FER: variants seen among roughly 807,000 people sequenced by gnomAD.
FER encodes the protein tyrosine-protein kinase Fer.
FER carries 63 observed loss-of-function variants against 111.0 expected under a neutral mutation model. That is an observed-to-expected ratio of 0.57 (90% confidence interval 0.46 to 0.70). The LOEUF (loss-of-function observed/expected upper bound fraction) is 0.70, where lower values mean the gene tolerates loss of function less well. Among genes scored for constraint, FER ranks in the 30% least tolerant of loss-of-function variants. FER has a pLI of 0.00. For missense variants in FER, 914 were observed against 954.0 expected (o/e 0.96, Z 0.55); for synonymous variants, 327 against 313.9 (o/e 1.04, Z -0.44).
chr5:109,171,287 A>G (rs1725774566), intron 17 of FER, among the ~76,000 whole-genome samples: 1 of 152,198 alleles, frequency 6.6e-6, no homozygotes, highest in South Asian at 2.1e-4. Context: ...TCCAGGGTCC[A>G]GGAAAATATG....
intron 5 of FER, among the ~76,000 whole-genome samples, chr5:108,852,960 C>T (rs1762670149): frequency 6.6e-6 from 1 of 152,024 alleles, no homozygotes; most frequent in African/African-American, 2.4e-5. Context: ...CTAAATTTGT[C>T]CATATTTTGC....
At chr5:109,172,294 C>G (rs940041875) in intron 17 of FER, among the ~76,000 whole-genome samples, 8 of 151,776 alleles carry the variant, frequency 5.3e-5, no homozygotes, top group Admixed American at 2.6e-4. Flanking sequence ...CCATGGAATA[C>G]TATGCAGCCA....
At chr5:108,960,810 C>G (rs181265885) in intron 13 of FER, among the ~76,000 whole-genome samples, 175 of 152,258 alleles carry the variant, frequency 1.1e-3, no homozygotes, top group Non-Finnish European at 5.6e-4. Context: ...ACAAGTGATG[C>G]CACCAAATAC....
intron 5 of FER, among the ~76,000 whole-genome samples, chr5:108,855,342 C>T (rs1032281149): frequency 3.3e-5 from 5 of 151,896 alleles, no homozygotes; most frequent in African/African-American, 1.2e-4. Flanking sequence ...AAAAAGAATA[C>T]AAAAGACCGG....
intron 1 of FER, among the ~76,000 whole-genome samples, chr5:108,765,448 A>G (rs1752214946): frequency 6.6e-6 from 1 of 151,968 alleles, no homozygotes; most frequent in Non-Finnish European, 1.5e-5. Flanking sequence ...TTGACAGGGT[A>G]TTGCTCTCTT....
chr5:109,147,192 A>T lies in FER; in HGVS notation c.2049-33555A>T, dbSNP rs558747960. 2.6e-5 allele frequency among the ~76,000 whole-genome samples: 4 copies of T among 152,224 alleles called. No homozygotes were observed. In the South Asian group the frequency reaches 8.3e-4, roughly 32 times the overall value. ...AAAAATTAACATTTAAAAAATGTTA[A>T]AATTGAATAGTCATTAAAGAAATAC... is the stretch of plus-strand genomic sequence containing the variant. On this transcript the variant is annotated intron_variant, in intron 17 of 19. Coordinates refer to ENST00000281092, the MANE Select transcript of FER (RefSeq NM_005246.4).
At chr5:109,001,651 A>G (rs1192830130) in intron 13 of FER, among the ~76,000 whole-genome samples, 1 of 152,222 alleles carries the variant, frequency 6.6e-6, no homozygotes, top group Non-Finnish European at 1.5e-5. Flanking sequence ...ATGCAGGAGA[A>G]GGAAATAAAG....
At chr5:109,179,232 A>C (rs575809610) in intron 17 of FER, among the ~76,000 whole-genome samples, 2 of 152,326 alleles carry the variant, frequency 1.3e-5, no homozygotes, top group Admixed American at 6.5e-5. Flanking sequence ...AATTGTTTCC[A>C]AGAGAACCCT....
intron 13 of FER, among the ~76,000 whole-genome samples, chr5:109,003,672 T>G (rs1419992738): frequency 6.6e-6 from 1 of 151,716 alleles, no homozygotes; most frequent in East Asian, 1.9e-4. Context: ...ATTCAAAAAT[T>G]TAAATTTAAA....
At chr5:108,998,612 T>G (rs967066029) in intron 13 of FER, among the ~76,000 whole-genome samples, 1 of 152,228 alleles carries the variant, frequency 6.6e-6, no homozygotes, top group African/African-American at 2.4e-5. Flanking sequence ...ATGGCTCTTA[T>G]TAATTTGAGG....
At chr5:109,041,391 G>A (rs911234915) in intron 14 of FER, among the ~76,000 whole-genome samples, 1 of 151,932 alleles carries the variant, frequency 6.6e-6, no homozygotes, top group Admixed American at 6.6e-5. Context: ...GACGTAAAAA[G>A]TGATAGAACC....
At chr5:108,934,425 G>A (rs1755156862) in intron 10 of FER, among the ~76,000 whole-genome samples, 1 of 152,042 alleles carries the variant, frequency 6.6e-6, no homozygotes, top group African/African-American at 2.4e-5. Flanking sequence ...TAAAAATTAT[G>A]GCCCAGTAAT....
intron 10 of FER, among the ~76,000 whole-genome samples, chr5:108,923,844 T>C (rs1291005730): frequency 2.6e-5 from 4 of 152,122 alleles, no homozygotes; most frequent in African/African-American, 9.7e-5. Context: ...GAATGAAGAA[T>C]TATAAAGTAT....
chr5:109,005,507 T>G (rs1456509866), intron 13 of FER, among the ~76,000 whole-genome samples: 1 of 152,222 alleles, frequency 6.6e-6, no homozygotes, highest in African/African-American at 2.4e-5. Context: ...GTCATCTATT[T>G]GTGGAAGATT....
intron 16 of FER, among the ~76,000 whole-genome samples, chr5:109,055,112 A>G (rs1417438081): frequency 2.6e-5 from 4 of 152,340 alleles, no homozygotes; most frequent in Admixed American, 2.6e-4. Flanking sequence ...GCATTTTCAC[A>G]TACAAAAGAA....
rs78059009 is a variant in FER, at chr5:109,053,013, C to T, written c.1924+5815C>T. ...AGTCATTTGGAAAATATCAGATCAC[C>T]AAGTCATGCAGGTATTTCAAATAAT... On this transcript the variant is annotated intron_variant, in intron 16 of 19. Transcript: ENST00000281092. Among the ~76,000 whole-genome samples, 982 of 152,262 alleles carry T rather than the reference C, an allele frequency of 6.4e-3. 8 individuals carry two copies. Among genetic ancestry groups the T allele is most frequent in the Non-Finnish European group, 9.7e-3 (663 of 68,022 alleles).
intron 3 of FER, among the ~76,000 whole-genome samples, chr5:108,827,538 C>T (rs763128904): frequency 1.1e-4 from 16 of 152,078 alleles, no homozygotes; most frequent in East Asian, 1.9e-4. Context: ...TTAATTTTAG[C>T]GACTTTATTT....
chr5:109,173,937 T>C (rs1757420984), intron 17 of FER, among the ~76,000 whole-genome samples: 1 of 152,166 alleles, frequency 6.6e-6, no homozygotes, highest in Admixed American at 6.5e-5. Flanking sequence ...GCACAAATTA[T>C]GCTCTCACTC....
At chr5:108,988,114 A>C (rs1762779228) in intron 13 of FER, among the ~76,000 whole-genome samples, 1 of 152,008 alleles carries the variant, frequency 6.6e-6, no homozygotes, top group South Asian at 2.1e-4. Context: ...TGTATGTTGA[A>C]CCATCCCTGC....
Sources: allele counts gnomAD v4.1 joint callset (sites outside exome capture counted in the v4.1 genomes callset), GRCh38; gene constraint gnomAD v4.1.1; transcripts MANE v1.5; gene names NCBI Gene and HGNC (gene_info 2026-07-23, HGNC 2026-07-21).